The following TXNDC11 variants were observed in gnomAD, a reference collection of about 807,000 sequenced individuals.
TXNDC11 encodes the protein thioredoxin domain containing 11.
Under a neutral mutation model 78.0 loss-of-function variants are expected in TXNDC11, and 68 were observed. That is an observed-to-expected ratio of 0.87 (90% CI 0.72 to 1.07). TXNDC11 has a LOEUF of 1.07. Ranked by LOEUF, TXNDC11 falls within the 50% of genes least tolerant of loss-of-function variation. The pLI is 0.00. For missense variants in TXNDC11, 1,389 were observed against 1,221.8 expected (o/e 1.14, Z -2.04); for synonymous variants, 571 against 495.2 (o/e 1.15, Z -2.03).
chr16:11,704,639 C>T (rs1030070902), intron 5 of TXNDC11, among the ~76,000 whole-genome samples: 1 of 152,124 alleles, frequency 6.6e-6, no homozygotes, highest in African/African-American at 2.4e-5. Context: ...AAAGACATGA[C>T]CTATTCCAGT....
intron 5 of TXNDC11, chr16:11,703,793 T>G: frequency 1.4e-6 from 1 of 697,634 alleles, no homozygotes; most frequent in South Asian, 1.5e-5. Context: ...ATATCTTGTA[T>G]CAGAAGTAAA....
At chr16:11,730,598 C>A in intron 4 of TXNDC11, 47 bp downstream of exon 4, 1 of 1,590,716 alleles carries the variant, frequency 6.3e-7, no homozygotes, top group Non-Finnish European at 8.6e-7. Flanking sequence ...CAATACAACC[C>A]CGTGAAAGGC....
At chr16:11,697,841 T>C (rs1185941300) in intron 7 of TXNDC11, among the ~76,000 whole-genome samples, 1 of 152,182 alleles carries the variant, frequency 6.6e-6, no homozygotes, top group East Asian at 1.9e-4. Context: ...GGGCATTTGG[T>C]CCTTCTCTAG....
chr16:11,724,749 T>G (rs1332485412), intron 4 of TXNDC11, among the ~76,000 whole-genome samples: 1 of 152,166 alleles, frequency 6.6e-6, no homozygotes, highest in East Asian at 1.9e-4. Flanking sequence ...GTAGAATTTC[T>G]TTTTCTCTTT....
chr16:11,707,774 T>C (rs2051225947), intron 5 of TXNDC11, among the ~76,000 whole-genome samples: 1 of 152,026 alleles, frequency 6.6e-6, no homozygotes, highest in Non-Finnish European at 1.5e-5. Flanking sequence ...TAATTTTTAG[T>C]GTAGCTACTA....
intron 11 of TXNDC11, among the ~76,000 whole-genome samples, chr16:11,680,908 T>C (rs2050406844): frequency 6.6e-6 from 1 of 152,220 alleles, no homozygotes; most frequent in Admixed American, 6.5e-5. Flanking sequence ...GCTGTGTGCC[T>C]GTAATCCCAG....
chr16:11,692,765 C>G (rs2141994704), intron 7 of TXNDC11, among the ~76,000 whole-genome samples: 1 of 152,222 alleles, frequency 6.6e-6, no homozygotes, highest in East Asian at 1.9e-4. Flanking sequence ...GCATGGCACT[C>G]CTGGGCCAAA....
intron 7 of TXNDC11, among the ~76,000 whole-genome samples, chr16:11,697,246 T>A (rs1390448827): frequency 2.6e-5 from 4 of 152,196 alleles, no homozygotes; most frequent in Non-Finnish European, 5.9e-5. Flanking sequence ...GGGATCCACC[T>A]GGGCGAGAAG....
intron 7 of TXNDC11, among the ~76,000 whole-genome samples, chr16:11,695,603 A>T (rs539226562): frequency 6.6e-6 from 1 of 152,244 alleles, no homozygotes; most frequent in East Asian, 1.9e-4. Flanking sequence ...CCCCGATCAT[A>T]GACCCTACTT....
intron 7 of TXNDC11, among the ~76,000 whole-genome samples, chr16:11,696,327 C>T (rs557904191): frequency 9.2e-5 from 14 of 152,210 alleles, no homozygotes; most frequent in South Asian, 2.1e-4. Context: ...CTAACTCCTC[C>T]CCTGCCCGGA....
chr16:11,695,372 A>T (rs1408175887), intron 7 of TXNDC11, among the ~76,000 whole-genome samples: 1 of 152,170 alleles, frequency 6.6e-6, no homozygotes, highest in Non-Finnish European at 1.5e-5. Flanking sequence ...CCCCAACTCT[A>T]TTCCACTCAC....
At chr16:11,714,844 C>T (rs754638195) in intron 5 of TXNDC11, among the ~76,000 whole-genome samples, 10 of 152,180 alleles carry the variant, frequency 6.6e-5, no homozygotes, top group Non-Finnish European at 1.3e-4. Context: ...ACACTATTTC[C>T]CAAAGGGAGT....
intron 5 of TXNDC11, among the ~76,000 whole-genome samples, chr16:11,707,663 G>A (rs952892878): frequency 2.6e-5 from 4 of 151,468 alleles, no homozygotes; most frequent in Non-Finnish European, 5.9e-5. Flanking sequence ...TGGCCAGGCT[G>A]GTCTCGAACT....
chr16:11,685,466 A>G (rs943528497), intron 10 of TXNDC11, among the ~76,000 whole-genome samples: 1 of 152,080 alleles, frequency 6.6e-6, no homozygotes, highest in Non-Finnish European at 1.5e-5. Flanking sequence ...TAACGCGGTG[A>G]AACGCCACCC....
chr16:11,742,615 A>AGGGTCG lies in TXNDC11; in HGVS notation c.110_115dup (p.Pro37_Thr38dup). ...CCGGCCCGCCGAGGACGCTGTGGCC[A>AGGGTCG]GGGTCGGGCTCGAGCTGAGGCAGTC... On this transcript the variant is annotated inframe_insertion, in exon 1 of 12. Transcript: ENST00000283033. 2 of 1,463,024 alleles carry AGGGTCG rather than the reference A, an allele frequency of 1.4e-6. No individual in the cohort carries two copies. The highest frequency in any genetic ancestry group is 1.8e-6 in the Non-Finnish European group (2 of 1,113,608). The allele number at this position is 1,463,024 out of a possible 1,614,324, so 90.6% of individuals were successfully genotyped here.
Position 11,736,031 on chromosome 16 carries a change from G to A in TXNDC11, c.457C>T (p.Arg153Trp), listed in dbSNP as rs369252028. 4.3e-6 allele frequency: 7 copies of A among 1,613,774 alleles called. No individual in the cohort carries two copies. The highest frequency in any genetic ancestry group is 1.3e-5 in the African/African-American group (1 of 74,884). ...GTGAGCATTACCTGATCTGAAAGCC[G>A]ACTTGCTGCTTGCTCAATTTCTGCC... ...ARAEIEQAAS[R>W]LSDQVLFVAI... Residue 153 changes from arginine to tryptophan, a missense_variant, in exon 2 of 12, where the codon CGG (arginine) becomes TGG (tryptophan). Transcript: ENST00000283033.
intron 3 of TXNDC11, among the ~76,000 whole-genome samples, chr16:11,733,426 C>A (rs1000447140): frequency 6.6e-6 from 1 of 151,450 alleles, no homozygotes; most frequent in African/African-American, 2.4e-5. Flanking sequence ...ACTTGGGAGG[C>A]TGAGGCAGGA....
rs2051897540 is a variant in TXNDC11 at position 11,726,921 on chromosome 16, C to G, written c.699+3724G>C. On this transcript the variant is annotated intron_variant, in intron 4 of 11. Transcript: ENST00000283033. ...ATACAAAAACAGCCAGGCGTGGAGG[C>G]ACATGCCTGTAATCCCAGCTACTGA... Among the ~76,000 whole-genome samples, 6 of 152,138 alleles carry G rather than the reference C, an allele frequency of 3.9e-5. No individual in the cohort carries two copies. In the South Asian group the frequency reaches 1.0e-3, roughly 26 times the overall value.
At chr16:11,703,909 T>A (rs551148863) in intron 5 of TXNDC11, among the ~76,000 whole-genome samples, 3 of 152,166 alleles carry the variant, frequency 2.0e-5, no homozygotes, top group Non-Finnish European at 4.4e-5. Flanking sequence ...CTGGCCAACA[T>A]AGTGAAACCC....
Sources: allele counts gnomAD v4.1 joint callset (sites outside exome capture counted in the v4.1 genomes callset), GRCh38; gene constraint gnomAD v4.1.1; transcripts MANE v1.5; gene names NCBI Gene and HGNC (gene_info 2026-07-23, HGNC 2026-07-21).